The following CARMIL1 variants were observed in gnomAD, a reference collection of about 807,000 sequenced individuals.
CARMIL1 encodes the protein capping protein regulator and myosin 1 linker 1, also known as F-actin-uncapping protein LRRC16A.
A neutral mutation model predicts 177.1 loss-of-function variants in CARMIL1; 90 were observed. That is an observed-to-expected ratio of 0.51 (90% CI 0.43 to 0.61). CARMIL1 has a LOEUF of 0.61. Ranked by LOEUF, CARMIL1 falls within the 20% of genes least tolerant of loss-of-function variation. The pLI is 0.00. For missense variants in CARMIL1, 1,380 were observed against 1,667.0 expected (o/e 0.83, Z 3.00); for synonymous variants, 577 against 606.2 (o/e 0.95, Z 0.71).
intron 2 of CARMIL1, among the ~76,000 whole-genome samples, chr6:25,300,547 G>T (rs1327760175): frequency 1.3e-5 from 2 of 152,010 alleles, no homozygotes; most frequent in Non-Finnish European, 2.9e-5. Context: ...TATTTGGGAG[G>T]CTAAGGCATG....
chr6:25,517,834 T>G (rs1357313228), intron 22 of CARMIL1, among the ~76,000 whole-genome samples: 1 of 152,178 alleles, frequency 6.6e-6, no homozygotes, highest in Non-Finnish European at 1.5e-5. Flanking sequence ...AAAGGTGAAA[T>G]TGATAAATGG....
At chr6:25,488,089 T>C (rs536408515) in intron 12 of CARMIL1, among the ~76,000 whole-genome samples, 1 of 152,318 alleles carries the variant, frequency 6.6e-6, no homozygotes, top group South Asian at 2.1e-4. Context: ...TTATCTGAAC[T>C]TGGACATGCA....
intron 2 of CARMIL1, among the ~76,000 whole-genome samples, chr6:25,323,769 C>T (rs775572248): frequency 2.2e-4 from 33 of 152,278 alleles, no homozygotes; most frequent in Non-Finnish European, 4.1e-4. Context: ...TGGGACTGTT[C>T]CATTCATCAT....
At chr6:25,360,063 A>C (rs979337430) in intron 2 of CARMIL1, among the ~76,000 whole-genome samples, 1 of 152,214 alleles carries the variant, frequency 6.6e-6, no homozygotes, top group African/African-American at 2.4e-5. Context: ...GAGGGATGCC[A>C]GATAAGACAT....
At chr6:25,566,153 T>G (rs990941141) in intron 29 of CARMIL1, among the ~76,000 whole-genome samples, 2 of 152,214 alleles carry the variant, frequency 1.3e-5, no homozygotes, top group Non-Finnish European at 2.9e-5. Context: ...TACTTCACAC[T>G]TCTACCTTCA....
chr6:25,540,147 C>A (rs1429503077), intron 26 of CARMIL1, 69 bp downstream of exon 26: 2 of 1,380,986 alleles, frequency 1.4e-6, no homozygotes, highest in Middle Eastern at 2.1e-4. Context: ...CATTTCATTC[C>A]ATAGCTATCT....
chr6:25,319,764 C>CT (rs10625095), intron 2 of CARMIL1, among the ~76,000 whole-genome samples: 1,759 of 118,674 alleles, frequency 0.015, 32 homozygotes, highest in East Asian at 0.045. Flanking sequence ...CATTTGGTCA[C>CT]TTTTTTTTTT....
At chr6:25,473,750 G>C (rs1004314110) in intron 11 of CARMIL1, among the ~76,000 whole-genome samples, 17 of 152,302 alleles carry the variant, frequency 1.1e-4, no homozygotes, top group Admixed American at 4.6e-4. Context: ...AAATTGCACA[G>C]GGCGTATACA....
At position 25,509,196 on chromosome 6, in the gene CARMIL1, T is replaced by C. The variant is rs927725899; in HGVS notation, c.1396-460T>C. ...AGAACAGGTAGGGATGGGTCCTTCC[T>C]AAAATGTTTGACAATCAAAGTAAGT... On this transcript the variant is annotated intron_variant, in intron 17 of 36. Transcript: ENST00000329474. The surrounding 1 kb of genome is among the most constrained non-coding windows in gnomAD (Gnocchi z 4.1). Among the ~76,000 whole-genome samples, 6 of 152,212 alleles carry C rather than the reference T, an allele frequency of 3.9e-5. No individual in the cohort carries two copies. Among genetic ancestry groups the C allele is most frequent in the Non-Finnish European group, 8.8e-5 (6 of 68,038 alleles).
rs1293530818 is a variant in CARMIL1, at chr6:25,279,573, TG to T, written c.-222del. 8.5e-6 allele frequency: 5 copies of T among 589,676 alleles called. No homozygotes were observed. The highest frequency in any genetic ancestry group is 1.5e-5 in the Non-Finnish European group (5 of 329,826). The allele number at this position is 589,676 out of a possible 1,614,324, so 36.5% of individuals were successfully genotyped here. The stretch of plus-strand genomic sequence containing the variant: ...CGCCGGGAACTGCGAGGAGGCGTCA[TG>T]TAGCAGCAGCAGCAAATCCGCCTCG... On this transcript the variant is annotated 5_prime_UTR_variant, in exon 1 of 37. An upstream start codon of the reference 5' UTR is lost. Transcript: ENST00000329474.
At chr6:25,472,111 C>T (rs1801143754) in intron 10 of CARMIL1, among the ~76,000 whole-genome samples, 1 of 151,458 alleles carries the variant, frequency 6.6e-6, no homozygotes, top group Non-Finnish European at 1.5e-5. Context: ...AAAGCAGGTT[C>T]AATCCAGGAT....
At chr6:25,398,718 T>C (rs996138994) in intron 2 of CARMIL1, among the ~76,000 whole-genome samples, 8 of 152,124 alleles carry the variant, frequency 5.3e-5, no homozygotes, top group African/African-American at 1.9e-4. Context: ...TCATGCAAAT[T>C]ATTGCTCCCC....
chr6:25,437,488 A>G (rs1352364844), intron 5 of CARMIL1, among the ~76,000 whole-genome samples: 3 of 152,226 alleles, frequency 2.0e-5, no homozygotes, highest in Non-Finnish European at 4.4e-5. Flanking sequence ...TTATTAAACC[A>G]GTATTAATCA....
chr6:25,311,734 A>G (rs1783837359), intron 2 of CARMIL1, among the ~76,000 whole-genome samples: 1 of 152,178 alleles, frequency 6.6e-6, no homozygotes, highest in Non-Finnish European at 1.5e-5. Flanking sequence ...CACACCCATC[A>G]GAAACAATGG....
At chr6:25,363,494 A>C (rs1272915746) in intron 2 of CARMIL1, among the ~76,000 whole-genome samples, 1 of 152,168 alleles carries the variant, frequency 6.6e-6, no homozygotes, top group Non-Finnish European at 1.5e-5. Context: ...TCCATTGGTT[A>C]TATAAAAAGT....
intron 26 of CARMIL1, among the ~76,000 whole-genome samples, chr6:25,545,900 G>A (rs1809406647): frequency 6.6e-6 from 1 of 152,158 alleles, no homozygotes; most frequent in Non-Finnish European, 1.5e-5. Flanking sequence ...AACTAAACCA[G>A]TACTTAGGGT....
At chr6:25,400,731 A>C (rs1292931691) in intron 2 of CARMIL1, among the ~76,000 whole-genome samples, 1 of 152,226 alleles carries the variant, frequency 6.6e-6, no homozygotes, top group Non-Finnish European at 1.5e-5. Flanking sequence ...CACAGCTGGC[A>C]ACCTTCTTAG....
intron 2 of CARMIL1, among the ~76,000 whole-genome samples, chr6:25,398,657 A>T (rs192322425): frequency 1.8e-4 from 28 of 152,358 alleles, no homozygotes; most frequent in African/African-American, 5.8e-4. Flanking sequence ...TATCTGCTTT[A>T]TACCAGACAC....
chr6:25,313,652 G>A (rs1227390219), intron 2 of CARMIL1, among the ~76,000 whole-genome samples: 1 of 131,588 alleles, frequency 7.6e-6, no homozygotes. Context: ...AATAGTGCCA[G>A]CATTTTAAAG....
Sources: allele counts gnomAD v4.1 joint callset (sites outside exome capture counted in the v4.1 genomes callset), GRCh38; gene constraint gnomAD v4.1.1; non-coding constraint Gnocchi (gnomAD v3.1); transcripts MANE v1.5; gene names NCBI Gene and HGNC (gene_info 2026-07-23, HGNC 2026-07-21).